Variants in MATCAP2 observed in about 807,000 individuals in gnomAD.
MATCAP2 encodes putative tyrosine carboxypeptidase MATCAP2.
the MATCAP2 span, chr7:36,390,090 G>GCC: frequency 3.7e-6 from 6 of 1,612,468 alleles, no homozygotes; most frequent in South Asian, 5.5e-5. Context: ...ACCGCTCTAG[G>GCC]CCCCCACCCA....
chr7:36,338,359 G>A, the MATCAP2 span, among the ~76,000 whole-genome samples: 8 of 151,830 alleles, frequency 5.3e-5, no homozygotes, highest in South Asian at 2.1e-4. Flanking sequence ...GCACAGTAGC[G>A]CGATCATGGC....
the MATCAP2 span, chr7:36,335,131 T>C: frequency 1.3e-4 from 203 of 1,613,988 alleles, 4 homozygotes; most frequent in South Asian, 2.2e-3. Flanking sequence ...CATTTACTAC[T>C]GTCATTGACG....
At chr7:36,330,171 G>A in the MATCAP2 span, among the ~76,000 whole-genome samples, 5 of 151,284 alleles carry the variant, frequency 3.3e-5, no homozygotes, top group East Asian at 1.9e-4. Flanking sequence ...CTGCAGCCTC[G>A]ACCTCCTGGG....
At chr7:36,366,596 A>G in the MATCAP2 span, 1 of 1,286,426 alleles carries the variant, frequency 7.8e-7, no homozygotes, top group South Asian at 1.3e-5. Flanking sequence ...TCACACACCT[A>G]GCGTGTTTTG....
the MATCAP2 span, among the ~76,000 whole-genome samples, chr7:36,338,878 C>T: frequency 6.6e-6 from 1 of 152,218 alleles, no homozygotes; most frequent in African/African-American, 2.4e-5. Flanking sequence ...TTTCAGATAA[C>T]TTAACTCTTT....
chr7:36,363,015 T>G, the MATCAP2 span, among the ~76,000 whole-genome samples: 1 of 152,090 alleles, frequency 6.6e-6, no homozygotes, highest in Non-Finnish European at 1.5e-5. Flanking sequence ...GTCCTGCTTA[T>G]GAAAGGGGGG....
At chr7:36,331,048 A>G in the MATCAP2 span, 1 of 1,613,254 alleles carries the variant, frequency 6.2e-7, no homozygotes, top group East Asian at 2.2e-5. Flanking sequence ...GAAGAATTCC[A>G]TCCAAGTATA....
the MATCAP2 span, among the ~76,000 whole-genome samples, chr7:36,328,676 G>A: frequency 0.099 from 14,969 of 151,526 alleles, 886 homozygotes; most frequent in East Asian, 0.18. Context: ...CCCAGGAGAC[G>A]GGAGGTTGCA....
chr7:36,330,857 A>G, the MATCAP2 span: 1 of 581,686 alleles, frequency 1.7e-6, no homozygotes, highest in African/African-American at 1.8e-5. Flanking sequence ...ATACGACATA[A>G]AGAAAATTTG....
At chr7:36,346,830 G>A in the MATCAP2 span, among the ~76,000 whole-genome samples, 1 of 152,126 alleles carries the variant, frequency 6.6e-6, no homozygotes, top group South Asian at 2.1e-4. Flanking sequence ...GCACGATCTT[G>A]GCTTACTGCA....
the MATCAP2 span, chr7:36,357,184 G>A: frequency 8.1e-6 from 13 of 1,614,170 alleles, no homozygotes; most frequent in South Asian, 7.7e-5. Context: ...GCAGTACTAT[G>A]CCATTCCCTG....
At chr7:36,367,616 G>A in the MATCAP2 span, among the ~76,000 whole-genome samples, 1 of 152,134 alleles carries the variant, frequency 6.6e-6, no homozygotes, top group Admixed American at 6.6e-5. Flanking sequence ...AAGTGCAGGA[G>A]GCTCAATGAC....
chr7:36,339,574 G>C, the MATCAP2 span, among the ~76,000 whole-genome samples: 1,305 of 152,300 alleles, frequency 8.6e-3, 9 homozygotes, highest in Non-Finnish European at 0.014. Flanking sequence ...TGCTCCAGAA[G>C]CTGATTAATC....
chr7:36,383,877 G>A, the MATCAP2 span: 1 of 1,603,950 alleles, frequency 6.2e-7, no homozygotes, highest in Non-Finnish European at 8.5e-7. Context: ...GAGAACTTGA[G>A]TTTAGCTCTT....
At chr7:36,357,504 T>A in the MATCAP2 span, 1 of 1,614,132 alleles carries the variant, frequency 6.2e-7, no homozygotes, top group African/African-American at 1.3e-5. Context: ...AAATGTGAAA[T>A]GCTTCTTTTG....
At chr7:36,385,435 A>G in the MATCAP2 span, among the ~76,000 whole-genome samples, 1 of 152,158 alleles carries the variant, frequency 6.6e-6, no homozygotes, top group South Asian at 2.1e-4. Context: ...TGATATTGGG[A>G]GAGGAATAGA....
chr7:36,372,937 T>G, the MATCAP2 span, among the ~76,000 whole-genome samples: 2 of 152,088 alleles, frequency 1.3e-5, no homozygotes, highest in African/African-American at 2.4e-5. Context: ...AAACCCTGTC[T>G]GTACTAAAAA....
chr7:36,367,048 G>T, the MATCAP2 span: 3 of 1,275,684 alleles, frequency 2.4e-6, no homozygotes, highest in Non-Finnish European at 2.9e-6. Context: ...CGGGGGCGCG[G>T]CGGGAGGCGG....
At chr7:36,382,168 A>G in the MATCAP2 span, among the ~76,000 whole-genome samples, 3,111 of 151,666 alleles carry the variant, frequency 0.021, 51 homozygotes, top group Middle Eastern at 0.051. Flanking sequence ...TTAGCCGGGC[A>G]TGGTGGTGGG....
Sources: gnomAD v4.1 joint callset for allele counts (sites outside exome capture counted in the v4.1 genomes callset) on GRCh38, gnomAD v4.1.1 for gene constraint, MANE v1.5 for transcripts, NCBI Gene and HGNC (gene_info 2026-07-23, HGNC 2026-07-21) for gene names.